The following RGS6 variants were observed in gnomAD, a reference collection of about 807,000 sequenced individuals.
RGS6 encodes the protein regulator of G protein signaling 6, also known as regulator of G-protein signaling 6.
A neutral mutation model predicts 78.5 loss-of-function variants in RGS6; 30 were observed. The ratio of observed to expected loss-of-function variants is 0.38; its 90% CI spans 0.29 to 0.52. The LOEUF is 0.52. Ranked by LOEUF, RGS6 falls within the 20% of genes least tolerant of loss-of-function variation. The pLI, the probability that RGS6 is intolerant of heterozygous loss-of-function variation, is 0.85. For synonymous variants in RGS6, 206 were observed against 206.0 expected (o/e 1.00, Z 0.00); for missense variants, 495 against 609.7 (o/e 0.81, Z 1.98).
chr14:72,572,408 TG>T, the RGS6 span, among the ~76,000 whole-genome samples: 1 of 152,238 alleles, frequency 6.6e-6, no homozygotes, highest in Non-Finnish European at 1.5e-5. Context: ...GTCTGTCAAC[TG>T]GTAAATGGGT....
the RGS6 span, among the ~76,000 whole-genome samples, chr14:71,916,237 C>T: frequency 6.6e-6 from 1 of 152,086 alleles, no homozygotes; most frequent in Non-Finnish European, 1.5e-5. Context: ...GAAAACAAAA[C>T]AAAAAAGTAG....
At chr14:71,912,135 G>T in the RGS6 span, among the ~76,000 whole-genome samples, 21 of 152,158 alleles carry the variant, frequency 1.4e-4, no homozygotes, top group African/African-American at 4.6e-4. Context: ...AAGAAATGCT[G>T]GTAGGTGTTA....
At chr14:71,893,107 T>G in the RGS6 span, among the ~76,000 whole-genome samples, 1 of 152,260 alleles carries the variant, frequency 6.6e-6, no homozygotes, top group African/African-American at 2.4e-5. Flanking sequence ...TTAATATTTA[T>G]GTACTCTAAT....
intron 2 of RGS6, among the ~76,000 whole-genome samples, chr14:72,213,431 T>C (rs2044679268): frequency 6.6e-6 from 1 of 152,154 alleles, no homozygotes; most frequent in Non-Finnish European, 1.5e-5. Flanking sequence ...AAACTCCCTT[T>C]CTCTGTCTCA....
At chr14:72,325,166 C>G (rs1210867249) in intron 2 of RGS6, among the ~76,000 whole-genome samples, 1 of 152,216 alleles carries the variant, frequency 6.6e-6, no homozygotes, top group Non-Finnish European at 1.5e-5. Flanking sequence ...CGAGAAGTAT[C>G]TGTTCATATC....
At position 72,061,611 on chromosome 14, in the gene RGS6, C is replaced by G. The variant is rs142368625; in HGVS notation, c.84+96736C>G. ...TTGACACTTTCAGATCACAATTGAT[C>G]AAAACACCTATGCAAGGAATTAAAC... On this transcript the variant is annotated intron_variant, in intron 2 of 17. Transcript: ENST00000553525. Among the ~76,000 whole-genome samples the G allele has an allele frequency of 4.1e-4, 62 of 151,462 alleles. 2 individuals are homozygous for G. Among genetic ancestry groups the G allele is most frequent in the African/African-American group, 1.3e-3 (55 of 41,252 alleles).
At chr14:72,434,733 A>G (rs965600302) in intron 3 of RGS6, among the ~76,000 whole-genome samples, 2 of 152,242 alleles carry the variant, frequency 1.3e-5, no homozygotes, top group African/African-American at 4.8e-5. Flanking sequence ...TTGAATGAAT[A>G]GTAAAACCCT....
At chr14:71,983,226 C>T (rs937995949) in intron 2 of RGS6, among the ~76,000 whole-genome samples, 3 of 152,110 alleles carry the variant, frequency 2.0e-5, no homozygotes, top group Non-Finnish European at 4.4e-5. Context: ...TTCACCACAG[C>T]CTAGTTATGT....
chr14:71,928,983 C>A (rs1435502091), upstream of RGS6, among the ~76,000 whole-genome samples: 2 of 152,028 alleles, frequency 1.3e-5, no homozygotes, highest in African/African-American at 4.8e-5. Context: ...TGTTTTTTAA[C>A]CTTTCATTTT....
intron 2 of RGS6, among the ~76,000 whole-genome samples, chr14:72,302,281 A>G (rs1323522086): frequency 6.6e-6 from 1 of 152,238 alleles, no homozygotes; most frequent in African/African-American, 2.4e-5. Flanking sequence ...ACAAAGAAGT[A>G]AAGTAATTTG....
chr14:72,454,601 C>G (rs753862385), intron 4 of RGS6, 23 bp downstream of exon 4: 6 of 1,606,610 alleles, frequency 3.7e-6, no homozygotes, highest in Non-Finnish European at 4.3e-6. Flanking sequence ...TGACCCCACC[C>G]TTATCTCCCC....
intron 2 of RGS6, among the ~76,000 whole-genome samples, chr14:72,047,158 G>A (rs557975439): frequency 3.2e-4 from 48 of 152,288 alleles, no homozygotes; most frequent in African/African-American, 1.1e-3. Flanking sequence ...AGCTCCAGAC[G>A]ATGGTCTACT....
In RGS6 at chr14:72,562,627, G is replaced by A; in HGVS notation, c.*160G>A. The stretch of plus-strand genomic sequence containing the variant: ...GCGATGGTGGGGAGACTCGGTGGGT[G>A]AATGGGGAGACCAGAAAGAAAGAGT... On this transcript the variant is annotated 3_prime_UTR_variant, in exon 18 of 18. Coordinates refer to ENST00000553525, the MANE Select transcript of RGS6 (RefSeq NM_001204424.2). The A allele has an allele frequency of 6.5e-7, 1 of 1,534,972 alleles. No individual in the cohort carries two copies. The highest frequency in any genetic ancestry group is 8.7e-7 in the Non-Finnish European group (1 of 1,146,384).
chr14:72,129,945 C>T (rs1445930280), intron 2 of RGS6, among the ~76,000 whole-genome samples: 3 of 152,104 alleles, frequency 2.0e-5, no homozygotes, highest in Non-Finnish European at 2.9e-5. Context: ...CTCACCATCC[C>T]GACTTAGTAC....
At chr14:72,486,901 A>G (rs1598229281) in intron 12 of RGS6, among the ~76,000 whole-genome samples, 1 of 152,166 alleles carries the variant, frequency 6.6e-6, no homozygotes, top group Admixed American at 6.5e-5. Context: ...GCATAAGGGA[A>G]GAGGAGATCG....
At chr14:72,208,529 A>G (rs552166941) in intron 2 of RGS6, among the ~76,000 whole-genome samples, 5 of 152,304 alleles carry the variant, frequency 3.3e-5, no homozygotes, top group Admixed American at 2.0e-4. Context: ...TGGTCTTTCT[A>G]TTGATCTCTC....
chr14:72,356,355 T>TC (rs749019754), intron 3 of RGS6, among the ~76,000 whole-genome samples: 4 of 152,166 alleles, frequency 2.6e-5, no homozygotes, highest in Admixed American at 2.0e-4. Context: ...ATGCCTTTTT[T>TC]CCCCTTTACC....
At chr14:72,018,073 C>T (rs1310787573) in intron 2 of RGS6, among the ~76,000 whole-genome samples, 4 of 152,142 alleles carry the variant, frequency 2.6e-5, no homozygotes, top group Non-Finnish European at 5.9e-5. Flanking sequence ...CGGCTTCCAG[C>T]TCCATCCATG....
chr14:72,616,190 G>C, the RGS6 span, among the ~76,000 whole-genome samples: 3 of 152,198 alleles, frequency 2.0e-5, no homozygotes, highest in African/African-American at 7.2e-5. Flanking sequence ...GAGGCTCAGA[G>C]AGTTGAAGTC....
Sources: allele counts gnomAD v4.1 joint callset (sites outside exome capture counted in the v4.1 genomes callset), GRCh38; gene constraint gnomAD v4.1.1; transcripts MANE v1.5; gene names NCBI Gene and HGNC (gene_info 2026-07-23, HGNC 2026-07-21).